The following COL11A2 variants were observed in gnomAD, a reference collection of about 807,000 sequenced individuals.
The protein encoded by COL11A2 is collagen type XI alpha 2 chain.
A neutral mutation model predicts 273.4 loss-of-function variants in COL11A2; 116 were observed. The ratio of observed to expected loss-of-function variants is 0.42; its 90% CI spans 0.36 to 0.49. COL11A2 has a LOEUF of 0.49. Among genes scored for constraint, COL11A2 ranks in the 20% least tolerant of loss-of-function variants. The pLI, the probability that COL11A2 is intolerant of heterozygous loss-of-function variation, is 0.00. For synonymous variants in COL11A2, 782 were observed against 864.2 expected, an observed-to-expected ratio of 0.90 and a Z score of 1.67; for missense variants, 1,866 against 2,309.0, an observed-to-expected ratio of 0.81 and a Z score of 3.93.
chr6:33,184,421 G>C, intron 7 of COL11A2, 97 bp from the exon 8 acceptor site: 2 of 834,106 alleles, frequency 2.4e-6, no homozygotes, highest in Non-Finnish European at 3.4e-6. Flanking sequence ...CTAGCCCAAA[G>C]GATTCCAAGG....
In COL11A2 at chr6:33,177,616, C is replaced by A. The variant is rs769761476; in HGVS notation, c.1917+46G>T. On this transcript the variant is annotated intron_variant, in intron 22 of 65. Coordinates refer to ENST00000341947, the MANE Select transcript of COL11A2 (RefSeq NM_080680.3). This position sits in a 1 kb window ranked among gnomAD's most constrained non-coding sequence, Gnocchi z 5.9. Reference sequence around the variant, plus strand: ...GCGGCCAACAGGATGCTGGCAGGGACCTCGGGGGATAAGAATGGGGGTGGG... The same window carrying A: ...GCGGCCAACAGGATGCTGGCAGGGAACTCGGGGGATAAGAATGGGGGTGGG... 8.7e-6 allele frequency: 14 copies of A among 1,610,418 alleles called. No individual in the cohort carries two copies. The highest frequency in any genetic ancestry group is 4.5e-5 in the East Asian group (2 of 44,848).
Position 33,171,703 on chromosome 6 carries a change from C to A in COL11A2, c.3150+10G>T. 1 of 1,612,292 alleles carries A rather than the reference C, an allele frequency of 6.2e-7. No individual in the cohort carries two copies. Among genetic ancestry groups the A allele is most frequent in the South Asian group, 1.1e-5 (1 of 90,994 alleles). On this transcript the variant is annotated intron_variant, in intron 42 of 65. Transcript: ENST00000341947. The stretch of plus-strand genomic sequence containing the variant: ...TCCCCAGTACCCCTCCCCAATACCC[C>A]CACACTCACTGGGACACCTTTCTCT...
rs1339637970 is a variant in COL11A2 at position 33,192,270 on chromosome 6, G to T, written c.-30C>A. ...GAGAAGCCGAAACGCCGGGTCCCAGGGACCCAGGTCGGCCTGAGACGCTGG... is the reference window on the plus strand; with the variant it reads ...GAGAAGCCGAAACGCCGGGTCCCAGTGACCCAGGTCGGCCTGAGACGCTGG... On this transcript the variant is annotated 5_prime_UTR_variant, in exon 1 of 66. Transcript: ENST00000341947. 1.9e-6 allele frequency: 3 copies of T among 1,549,584 alleles called. No homozygotes were observed. The highest frequency in any genetic ancestry group is 2.0e-5 in the Admixed American group (1 of 51,052).
rs372110441 is a variant in COL11A2 at position 33,164,387 on chromosome 6, G to A, written c.4950C>T (p.Asp1650=). 1.0e-4 allele frequency: 169 copies of A among 1,609,972 alleles called. No homozygotes were observed. In the East Asian group the frequency reaches 3.0e-3, roughly 28 times the overall value. ...CTGCTCCAGAGCAGGGGTAGGAGAC[G>A]TCCTGGTGGGCTGAGACGCTGAGCA... ...LRLLSVSAHQ[D]VSYPCSGAAR... The change falls in exon 65 of 66, where the codon GAC becomes GAT. Residue 1650 remains aspartate, a synonymous_variant. Transcript: ENST00000341947. The surrounding 1 kb of genome is among the most constrained non-coding windows in gnomAD (Gnocchi z 4.7).
At chr6:33,188,334 C>G in intron 4 of COL11A2, 28 bp downstream of exon 4, 1 of 1,612,906 alleles carries the variant, frequency 6.2e-7, no homozygotes, top group Non-Finnish European at 8.5e-7. Context: ...GACCAGAAGT[C>G]AATCCTGCCT....
chr6:33,189,571 C>T lies in COL11A2; in HGVS notation c.83-102G>A. ...ACTCAGCTTTCCAGGGCTCAAACTC[C>T]CTGCAAGGGAAAGGTCACCTCACCC... On this transcript the variant is annotated intron_variant, in intron 1 of 65. Coordinates refer to ENST00000341947, the MANE Select transcript of COL11A2 (RefSeq NM_080680.3). This position sits in a 1 kb window ranked among gnomAD's most constrained non-coding sequence, Gnocchi z 5.6. The T allele has an allele frequency of 6.8e-7, 1 of 1,478,116 alleles. No homozygotes were observed. The highest frequency in any genetic ancestry group is 9.3e-7 in the Non-Finnish European group (1 of 1,078,656). 91.6% of individuals were successfully genotyped at this position (1,478,116 alleles called of 1,614,324 possible).
chr6:33,164,715 A>T lies in COL11A2; in HGVS notation c.4863+137T>A. On this transcript the variant is annotated intron_variant, in intron 64 of 65. Coordinates refer to ENST00000341947, the MANE Select transcript of COL11A2 (RefSeq NM_080680.3). This position sits in a 1 kb window ranked among gnomAD's most constrained non-coding sequence, Gnocchi z 4.7. ...ACCGGTGAAAAGGAAAAGAAGAAAGAGCTAAGAAGTGGAGAAGGGGTGGCA... is the reference window on the plus strand; with the variant it reads ...ACCGGTGAAAAGGAAAAGAAGAAAGTGCTAAGAAGTGGAGAAGGGGTGGCA... 1.3e-6 allele frequency: 1 copy of T among 758,492 alleles called. No individual in the cohort carries two copies. The highest frequency in any genetic ancestry group is 2.2e-6 in the Non-Finnish European group (1 of 460,122). The allele number at this position is 758,492 out of a possible 1,614,324, so 47.0% of individuals were successfully genotyped here.
Position 33,188,443 on chromosome 6 carries a change from G to T in COL11A2, c.525C>A (p.Leu175=), listed in dbSNP as rs1417852286. Residue 175 remains leucine, a synonymous_variant, in exon 4 of 66, where the codon CTC becomes CTA. Coordinates refer to ENST00000341947, the MANE Select transcript of COL11A2 (RefSeq NM_080680.3). The stretch of plus-strand genomic sequence containing the variant: ...CCAATACTGGACGAGCACTTCGGGG[G>T]AGAGGCCGGGTGACTCGCTTCTTGC... The part of the protein sequence containing the change: ...VDCKKRVTRP[L]PRSARPVLDT... 6.2e-7 allele frequency: 1 copy of T among 1,612,908 alleles called. No homozygotes were observed. The highest frequency in any genetic ancestry group is 1.3e-5 in the African/African-American group (1 of 74,900).
Position 33,180,556 on chromosome 6 carries a change from CCT to C in COL11A2, c.1284+110_1284+111del. 3.7e-6 allele frequency: 4 copies of C among 1,092,672 alleles called. No homozygotes were observed. The South Asian group carries it at 4.3e-5, about 12-fold the overall frequency. 67.7% of individuals were successfully genotyped at this position (1,092,672 alleles called of 1,614,324 possible). On this transcript the variant is annotated intron_variant, in intron 11 of 65. Coordinates refer to ENST00000341947, the MANE Select transcript of COL11A2 (RefSeq NM_080680.3). The stretch of plus-strand genomic sequence containing the variant: ...TGGTTGCTGGGAAGCACAACCATCC[CCT>C]CATTCATTAACAAGCCACCTAACAG...
chr6:33,163,934 G>A lies in COL11A2; in HGVS notation c.5071-116C>T, dbSNP rs1203729021. 2 of 1,475,818 alleles carry A rather than the reference G, an allele frequency of 1.4e-6. No homozygotes were observed. Among genetic ancestry groups the A allele is most frequent in the Non-Finnish European group, 1.9e-6 (2 of 1,061,904 alleles). 91.4% of individuals were successfully genotyped at this position (1,475,818 alleles called of 1,614,324 possible). On this transcript the variant is annotated intron_variant, in intron 65 of 65. Coordinates refer to ENST00000341947, the MANE Select transcript of COL11A2 (RefSeq NM_080680.3). The surrounding 1 kb of genome is among the most constrained non-coding windows in gnomAD (Gnocchi z 4.1). Reference sequence around the variant, plus strand: ...ACCTTGGCCCCATCAGGGTGACTCAGGATGTACAGACTGGCAGTGTCTATG... The same window carrying A: ...ACCTTGGCCCCATCAGGGTGACTCAAGATGTACAGACTGGCAGTGTCTATG...
Position 33,165,952 on chromosome 6 carries a change from C to G in COL11A2, c.4461G>C (p.Val1487=), listed in dbSNP as rs777959488. Residue 1487 remains valine (V), a synonymous_variant, in exon 62 of 66, where the codon GTG becomes GTC. Coordinates refer to ENST00000341947, the MANE Select transcript of COL11A2 (RefSeq NM_080680.3). This position sits in a 1 kb window ranked among gnomAD's most constrained non-coding sequence, Gnocchi z 7.7. Reference sequence around the variant, plus strand: ...TCACCGGGTGTCCTGGAGGGCCCTGCACACCCTTCTCTCCCTTGGGTCCGC... The same window carrying G: ...TCACCGGGTGTCCTGGAGGGCCCTGGACACCCTTCTCTCCCTTGGGTCCGC... The part of the protein sequence containing the change: ...GPGGPKGEKG[V]QGPPGHPGPP... 1 of 1,614,030 alleles carries G rather than the reference C, an allele frequency of 6.2e-7. No individual in the cohort carries two copies. The highest frequency in any genetic ancestry group is 1.7e-5 in the Admixed American group (1 of 60,022).
chr6:33,167,880 C>T lies in COL11A2; in HGVS notation c.3961-28G>A. 6.2e-7 allele frequency: 1 copy of T among 1,612,548 alleles called. No homozygotes were observed. Among genetic ancestry groups the T allele is most frequent in the Non-Finnish European group, 8.5e-7 (1 of 1,179,846 alleles). ...GCAGGTGGAGTGGGAAGGAAGAGCACATGAGGCCGTGGGCAGCCAGGCTCA... is the reference window on the plus strand; with the variant it reads ...GCAGGTGGAGTGGGAAGGAAGAGCATATGAGGCCGTGGGCAGCCAGGCTCA... On this transcript the variant is annotated intron_variant, in intron 54 of 65. Coordinates refer to ENST00000341947, the MANE Select transcript of COL11A2 (RefSeq NM_080680.3). The surrounding 1 kb of genome is among the most constrained non-coding windows in gnomAD (Gnocchi z 6.1).
chr6:33,175,777 A>C, intron 29 of COL11A2, 96 bp from the exon 30 acceptor site: 2 of 1,269,498 alleles, frequency 1.6e-6, no homozygotes, highest in Non-Finnish European at 2.3e-6. Context: ...GGAGGGCTAG[A>C]GGGGTCCCAG....
Position 33,176,464 on chromosome 6 carries a change from G to C in COL11A2, c.2138C>G (p.Pro713Arg). 1 of 1,612,490 alleles carries C rather than the reference G, an allele frequency of 6.2e-7. No homozygotes were observed. The highest frequency in any genetic ancestry group is 8.5e-7 in the Non-Finnish European group (1 of 1,179,790). ...GNQGPSGPQG[P>R]LGYPGPRGVK... ...CCCTCGAGGTCCTGGGTATCCTAGA[G>C]GTCCCTGAGGTCCAGAGGGACCCTG... The change falls in exon 27 of 66, where the codon CCT (proline) becomes CGT (arginine). Residue 713 changes from proline (P) to arginine (R), a missense_variant. Physicochemically the swap from Pro to Arg is moderately radical, Grantham distance 103. Transcript: ENST00000341947. The surrounding 1 kb of genome is among the most constrained non-coding windows in gnomAD (Gnocchi z 4.9).
rs1003842228 is a variant in COL11A2, at chr6:33,169,281, G to A, written c.3798+102C>T. ...TTCCCAGAGCATCCCCCAAACTCCC[G>A]GGCTCCCCACACTCCAAGATCCTCC... On this transcript the variant is annotated intron_variant, in intron 51 of 65. Coordinates refer to ENST00000341947, the MANE Select transcript of COL11A2 (RefSeq NM_080680.3). This position sits in a 1 kb window ranked among gnomAD's most constrained non-coding sequence, Gnocchi z 5.5. 23 of 1,122,202 alleles carry A rather than the reference G, an allele frequency of 2.0e-5. No homozygotes were observed. The highest frequency in any genetic ancestry group is 6.6e-5 in the South Asian group (5 of 75,390). The allele number at this position is 1,122,202 out of a possible 1,614,324, so 69.5% of individuals were successfully genotyped here.
chr6:33,176,536 T>TG lies in COL11A2; in HGVS notation c.2116-51dup. On this transcript the variant is annotated intron_variant, in intron 26 of 65. Transcript: ENST00000341947. The surrounding 1 kb of genome is among the most constrained non-coding windows in gnomAD (Gnocchi z 4.9). ...ATAAAGGGGCCTCAGAGTGTCACTG[T>TG]GGGGGCCTCCAGGGGTGGAAGAAAT... 1 of 1,552,256 alleles carries TG rather than the reference T, an allele frequency of 6.4e-7. No individual in the cohort carries two copies. Among genetic ancestry groups the TG allele is most frequent in the Non-Finnish European group, 8.9e-7 (1 of 1,125,576 alleles).
Position 33,177,144 on chromosome 6 carries a change from C to T in COL11A2, c.2016+37G>A. On this transcript the variant is annotated intron_variant, in intron 24 of 65. Coordinates refer to ENST00000341947, the MANE Select transcript of COL11A2 (RefSeq NM_080680.3). The surrounding 1 kb of genome is among the most constrained non-coding windows in gnomAD (Gnocchi z 5.9). ...TTAGGGTTCTCCCTACATCCCCACT[C>T]TAAACCCCCTGTCCTCCAAATCACT... 2 of 1,612,976 alleles carry T rather than the reference C, an allele frequency of 1.2e-6. No homozygotes were observed. The highest frequency in any genetic ancestry group is 1.7e-6 in the Non-Finnish European group (2 of 1,179,990).
rs774410925 is a variant in COL11A2, at chr6:33,184,201, G to A, written c.1063C>T (p.Arg355Cys). 1.9e-5 allele frequency: 26 copies of A among 1,367,552 alleles called. No homozygotes were observed. Among genetic ancestry groups the A allele is most frequent in the Non-Finnish European group, 2.4e-5 (25 of 1,022,002 alleles). 84.7% of individuals were successfully genotyped at this position (1,367,552 alleles called of 1,614,324 possible). Reference protein sequence around the residue: ...DYTYGYGDDYREETELGPALS... With the variant: ...DYTYGYGDDYCEETELGPALS... Reference sequence around the variant, plus strand: ...GCAGGGCCAAGCTCTGTCTCCTCACGATAATCATCCCCATAGCCATAGGTG... The same window carrying A: ...GCAGGGCCAAGCTCTGTCTCCTCACAATAATCATCCCCATAGCCATAGGTG... Residue 355 changes from arginine to cysteine, a missense_variant, in exon 8 of 66, where the codon CGT becomes TGT. Coordinates refer to ENST00000341947, the MANE Select transcript of COL11A2 (RefSeq NM_080680.3).
chr6:33,177,965 C>T lies in COL11A2; in HGVS notation c.1872+167G>A, dbSNP rs571503294. On this transcript the variant is annotated intron_variant, in intron 21 of 65. Coordinates refer to ENST00000341947, the MANE Select transcript of COL11A2 (RefSeq NM_080680.3). The surrounding 1 kb of genome is among the most constrained non-coding windows in gnomAD (Gnocchi z 5.9). ...CACGCCACATGGCCCTCCCTGTGCA[C>T]GGGGAGCGAATGCTGAGGCAGGGCA... 13 of 827,102 alleles carry T rather than the reference C, an allele frequency of 1.6e-5. No homozygotes were observed. Among genetic ancestry groups the T allele is most frequent in the African/African-American group, 1.2e-4 (7 of 58,820 alleles). The allele number at this position is 827,102 out of a possible 1,614,324, so 51.2% of individuals were successfully genotyped here. A position where few individuals can be genotyped will look rare whatever the true frequency, so the allele number is the denominator to read the frequency against.
Sources: allele counts gnomAD v4.1 joint callset, GRCh38; gene constraint gnomAD v4.1.1; non-coding constraint Gnocchi (gnomAD v3.1); transcripts MANE v1.5; gene names NCBI Gene and HGNC (gene_info 2026-07-23, HGNC 2026-07-21).